Variants in IRAG2 observed in about 807,000 individuals in gnomAD.
The protein encoded by IRAG2 is lymphoid restricted membrane protein.
IRAG2 carries 45 observed loss-of-function variants against 69.9 expected under a neutral mutation model. That is an observed-to-expected ratio of 0.64 (90% CI 0.51 to 0.83). The LOEUF is 0.83. IRAG2 is among the 40% of genes least tolerant of loss of function. The pLI is 0.00. For synonymous variants in IRAG2, 193 were observed against 202.4 expected, an observed-to-expected ratio of 0.95 and a Z score of 0.40; for missense variants, 520 against 587.0, an observed-to-expected ratio of 0.89 and a Z score of 1.18.
chr12:25,057,220 A>ATAGGTAGG (rs1161224738), intron 1 of IRAG2, among the ~76,000 whole-genome samples: 100 of 149,522 alleles, frequency 6.7e-4, no homozygotes, highest in Non-Finnish European at 1.1e-3. Context: ...ATACATACAG[A>ATAGGTAGG]TAGGTAGGTA....
Position 25,083,413 on chromosome 12 carries a change from T to C in IRAG2, c.245-10T>C. On this transcript the variant is annotated splice_polypyrimidine_tract_variant and intron_variant, in intron 9 of 21. Transcript: ENST00000556887. Reference sequence around the variant, plus strand: ...CCCTAACTGCTTTGTGTGTTTCCTGTTTCTCACAGGCACAAGTCCAGCTCA... The same window carrying C: ...CCCTAACTGCTTTGTGTGTTTCCTGCTTCTCACAGGCACAAGTCCAGCTCA... 6.2e-7 allele frequency: 1 copy of C among 1,600,830 alleles called. No individual in the cohort carries two copies. Among genetic ancestry groups the C allele is most frequent in the East Asian group, 2.2e-5 (1 of 44,794 alleles).
intron 6 of IRAG2, chr12:25,076,496 A>T (rs752778799): frequency 1.0e-6 from 1 of 985,026 alleles, no homozygotes; most frequent in Non-Finnish European, 1.2e-6. Context: ...TTGGCTTTAA[A>T]TACTAATTAG....
At chr12:25,078,213 C>G (rs528894834) in intron 6 of IRAG2, among the ~76,000 whole-genome samples, 1 of 152,148 alleles carries the variant, frequency 6.6e-6, no homozygotes, top group Non-Finnish European at 1.5e-5. Context: ...TATTAAAGGG[C>G]TCTTGTAAAT....
In IRAG2 at chr12:25,057,252, A is replaced by ATTTTTT. The variant is rs368710047; in HGVS notation, c.-447+4315_-446-4316dup. Among the ~76,000 whole-genome samples, 152 of 89,034 alleles carry ATTTTTT rather than the reference A, an allele frequency of 1.7e-3. 20 individuals carry two copies. The highest frequency in any genetic ancestry group is 5.8e-3 in the African/African-American group (126 of 21,664). The allele number at this position is 89,034 out of a possible 152,430, so 58.4% of individuals were successfully genotyped here. ...GGTAGGTAGGTAGACAGGTAGACAG[A>ATTTTTT]TTTTTTTTTTTTTTTTTTTTTTTTG... On this transcript the variant is annotated intron_variant, in intron 1 of 21. Coordinates refer to ENST00000556887, the MANE Select transcript of IRAG2 (RefSeq NM_001366544.2).
intron 6 of IRAG2, among the ~76,000 whole-genome samples, chr12:25,078,691 C>T (rs561447692): frequency 3.1e-4 from 47 of 152,312 alleles, no homozygotes; most frequent in African/African-American, 9.9e-4. Flanking sequence ...CAAACACTTG[C>T]CCTGGCAGGC....
the IRAG2 span, among the ~76,000 whole-genome samples, chr12:24,998,551 T>C: frequency 6.6e-6 from 1 of 152,214 alleles, no homozygotes; most frequent in African/African-American, 2.4e-5. Context: ...CTGAGCTCAC[T>C]AAAGATGGGT....
intron 2 of IRAG2, among the ~76,000 whole-genome samples, 164 bp from the exon 3 acceptor site, chr12:25,062,656 T>C (rs922804836): frequency 1.3e-5 from 2 of 152,226 alleles, no homozygotes; most frequent in African/African-American, 4.8e-5. Flanking sequence ...CAATGGGAGG[T>C]TTAAAATTAC....
intron 16 of IRAG2, among the ~76,000 whole-genome samples, chr12:25,046,916 G>A (rs754083693): frequency 2.0e-4 from 31 of 152,148 alleles, no homozygotes; most frequent in Non-Finnish European, 3.7e-4. Flanking sequence ...TACCGTTCCT[G>A]ATTTCAAAAT....
At chr12:25,013,008 A>C (rs2139823275) in intron 3 of IRAG2, among the ~76,000 whole-genome samples, 1 of 152,368 alleles carries the variant, frequency 6.6e-6, no homozygotes, top group East Asian at 1.9e-4. Context: ...CTGCAAATAC[A>C]GATATAACAT....
Position 25,108,045 on chromosome 12 carries a change from G to A in IRAG2, c.1485G>A (p.Gly495=). 6.2e-7 allele frequency: 1 copy of A among 1,613,638 alleles called. No homozygotes were observed. The highest frequency in any genetic ancestry group is 1.1e-5 in the South Asian group (1 of 90,910). ...LWPFTRLRHN[G]PPPV The stretch of plus-strand genomic sequence containing the variant: ...CATTTACCAGACTCCGACACAATGG[G>A]CCACCACCAGTGTGACAGCAGGACA... The change falls in exon 22 of 22, where the codon GGG becomes GGA. Residue 495 remains glycine (G), a synonymous_variant. Coordinates refer to ENST00000556887, the MANE Select transcript of IRAG2 (RefSeq NM_001366544.2).
chr12:25,059,889 C>T (rs1267124170), intron 1 of IRAG2, among the ~76,000 whole-genome samples: 17 of 152,080 alleles, frequency 1.1e-4, no homozygotes, highest in Non-Finnish European at 1.3e-4. Flanking sequence ...AGATTATGTA[C>T]TTCTTTTCAT....
At position 25,004,710 on chromosome 12, in the gene IRAG2, G is replaced by A. The variant is rs550788416; in HGVS notation, c.369G>A (p.Pro123=). 3.2e-5 allele frequency: 39 copies of A among 1,232,068 alleles called. 1 individual carries two copies. In the South Asian group the frequency reaches 7.0e-4, roughly 22 times the overall value. The allele number at this position is 1,232,068 out of a possible 1,614,324, so 76.3% of individuals were successfully genotyped here. The change falls in exon 1 of 39, where the codon CCG becomes CCA. Residue 123 remains proline (P), a synonymous_variant. Coordinates refer to the IRAG2 transcript ENST00000636465. ...CAAGTTCTGAAAACGTCTCAAAGCC[G>A]AAGTCACAGAGCAACAAGAATTATA...
chr12:25,005,386 G>A (rs187892684), intron 2 of IRAG2: 2 of 955,556 alleles, frequency 2.1e-6, no homozygotes, highest in Admixed American at 8.6e-5. Context: ...TAAACATTTG[G>A]TAGGACTGTC....
chr12:25,088,583 T>C (rs1383150480), intron 11 of IRAG2, among the ~76,000 whole-genome samples: 1 of 152,234 alleles, frequency 6.6e-6, no homozygotes, highest in Non-Finnish European at 1.5e-5. Context: ...ATGGGATCAA[T>C]CTCTGACTAG....
intron 5 of IRAG2, 85 bp downstream of exon 5, chr12:25,066,597 A>G: frequency 1.0e-5 from 4 of 398,972 alleles, no homozygotes; most frequent in Non-Finnish European, 1.8e-5. Flanking sequence ...TCAGATTTTC[A>G]TAACGTGAGA....
intron 6 of IRAG2, 26 bp from the exon 7 acceptor site, chr12:25,079,218 T>C: frequency 3.1e-6 from 5 of 1,612,982 alleles, no homozygotes; most frequent in Non-Finnish European, 4.2e-6. Context: ...ATTGTTGAAC[T>C]TATGTCTCCT....
At chr12:25,094,902 A>C (rs564484212) in intron 14 of IRAG2, among the ~76,000 whole-genome samples, 4 of 152,050 alleles carry the variant, frequency 2.6e-5, no homozygotes, top group Non-Finnish European at 5.9e-5. Flanking sequence ...AAGACAACTA[A>C]TTTTTTGTGT....
chr12:25,016,434 C>A (rs924758093), intron 5 of IRAG2, among the ~76,000 whole-genome samples: 1 of 152,152 alleles, frequency 6.6e-6, no homozygotes. Context: ...ACTCTAGGAA[C>A]TGTTTCCTAG....
intron 11 of IRAG2, among the ~76,000 whole-genome samples, chr12:25,088,793 T>C (rs1197850248): frequency 6.6e-6 from 1 of 152,188 alleles, no homozygotes; most frequent in Non-Finnish European, 1.5e-5. Flanking sequence ...GCCTATAAAA[T>C]GTGGACAATA....
Sources: gnomAD v4.1 joint callset for allele counts (sites outside exome capture counted in the v4.1 genomes callset) on GRCh38, gnomAD v4.1.1 for gene constraint, MANE v1.5 for transcripts, NCBI Gene and HGNC (gene_info 2026-07-23, HGNC 2026-07-21) for gene names.